The following CLYBL variants were observed in gnomAD, a reference collection of about 807,000 sequenced individuals.
CLYBL encodes citramalyl-CoA lyase, mitochondrial.
CLYBL carries 31 observed loss-of-function variants against 38.9 expected under a neutral mutation model. The ratio of observed to expected loss-of-function variants is 0.80; its 90% CI spans 0.60 to 1.08. The LOEUF (loss-of-function observed/expected upper bound fraction) is 1.08, where lower values mean the gene tolerates loss of function less well. Among genes scored for constraint, CLYBL ranks in the 50% least tolerant of loss-of-function variants. The pLI, the probability that CLYBL is intolerant of heterozygous loss-of-function variation, is 0.00. For synonymous variants in CLYBL, 171 were observed against 158.6 expected (o/e 1.08, Z -0.59); for missense variants, 434 against 411.6 (o/e 1.05, Z -0.47).
intron 7 of CLYBL, among the ~76,000 whole-genome samples, chr13:99,887,824 T>G (rs568242078): frequency 2.6e-5 from 4 of 151,632 alleles, no homozygotes; most frequent in African/African-American, 9.7e-5. Flanking sequence ...AATGGAGAAT[T>G]GTCTTATAGA....
intron 4 of CLYBL, among the ~76,000 whole-genome samples, chr13:99,864,065 C>T (rs868294053): frequency 2.6e-5 from 4 of 152,198 alleles, no homozygotes; most frequent in Non-Finnish European, 5.9e-5. Flanking sequence ...TAATCAAAAG[C>T]ATATCCCTAA....
intron 7 of CLYBL, among the ~76,000 whole-genome samples, chr13:99,880,068 A>ATATATAT (rs34063235): frequency 0.12 from 12,298 of 101,020 alleles, 1,034 homozygotes; most frequent in Admixed American, 0.15. Context: ...ATATATATAT[A>ATATATAT]TTTTTTTTTT....
chr13:99,674,358 G>T (rs2047612936), intron 1 of CLYBL, among the ~76,000 whole-genome samples: 1 of 151,742 alleles, frequency 6.6e-6, no homozygotes, highest in East Asian at 1.9e-4. Flanking sequence ...CACCATGTTG[G>T]CCAGGCTGGT....
At chr13:99,824,257 G>GCCACC (rs2050646417) in intron 2 of CLYBL, among the ~76,000 whole-genome samples, 1 of 130,414 alleles carries the variant, frequency 7.7e-6, no homozygotes, top group African/African-American at 2.9e-5. Flanking sequence ...CTGACTAATA[G>GCCACC]CCCCCCCCAC....
At chr13:99,876,537 ATTC>A (rs1297415399) in intron 7 of CLYBL, among the ~76,000 whole-genome samples, 2 of 152,032 alleles carry the variant, frequency 1.3e-5, no homozygotes, top group African/African-American at 4.8e-5. Flanking sequence ...TAATCAAAAT[ATTC>A]TTTATCCAGG....
intron 2 of CLYBL, among the ~76,000 whole-genome samples, chr13:99,784,443 T>TTC (rs1397745806): frequency 0.028 from 2,774 of 100,508 alleles, 154 homozygotes; most frequent in Middle Eastern, 0.068. Context: ...TTCTGGAAAA[T>TTC]TCTCTCTTTT....
At chr13:99,685,743 C>T (rs1208137453) in intron 1 of CLYBL, among the ~76,000 whole-genome samples, 1 of 152,082 alleles carries the variant, frequency 6.6e-6, no homozygotes, top group Admixed American at 6.6e-5. Context: ...GGGTGGATCA[C>T]TTGAGGTCAG....
chr13:99,767,831 A>G (rs943061143), intron 1 of CLYBL, among the ~76,000 whole-genome samples: 1 of 152,034 alleles, frequency 6.6e-6, no homozygotes, highest in African/African-American at 2.4e-5. Context: ...TGGTATTTCC[A>G]TTTTGTTCAT....
Position 99,839,306 on chromosome 13 carries a change from C to T in CLYBL, c.250-19555C>T, listed in dbSNP as rs148910610. On this transcript the variant is annotated intron_variant, in intron 2 of 8. Transcript: ENST00000339105. ...GACAATGATCAGAACTAGGAGGGTT[C>T]GAAGACAGAAGACCCAGGGAAACAT... Among the ~76,000 whole-genome samples, 611 of 152,204 alleles carry T rather than the reference C, an allele frequency of 4.0e-3. 5 individuals carry two copies. The highest frequency in any genetic ancestry group is 0.014 in the African/African-American group (582 of 41,522).
intron 2 of CLYBL, among the ~76,000 whole-genome samples, chr13:99,780,953 A>G (rs1284722352): frequency 2.7e-5 from 4 of 150,220 alleles, no homozygotes; most frequent in African/African-American, 4.9e-5. Context: ...ACCTCAGGCA[A>G]TCCACCCGCC....
intron 1 of CLYBL, among the ~76,000 whole-genome samples, chr13:99,649,890 T>G (rs2047225916): frequency 6.7e-6 from 1 of 149,284 alleles, no homozygotes; most frequent in South Asian, 2.1e-4. Context: ...AAAAGTTATA[T>G]GATGCTTCAT....
At chr13:99,633,690 A>G (rs2046981198) in intron 1 of CLYBL, among the ~76,000 whole-genome samples, 1 of 152,170 alleles carries the variant, frequency 6.6e-6, no homozygotes, top group Non-Finnish European at 1.5e-5. Context: ...AGGCTTGTAC[A>G]GCACTGTGAA....
chr13:99,761,277 G>A (rs535569329), intron 1 of CLYBL, among the ~76,000 whole-genome samples: 5 of 152,112 alleles, frequency 3.3e-5, no homozygotes, highest in Admixed American at 6.5e-5. Context: ...GGCGTGAACC[G>A]GGGAGGCGGA....
chr13:99,839,796 T>C (rs1249383647), intron 2 of CLYBL, among the ~76,000 whole-genome samples: 4 of 152,126 alleles, frequency 2.6e-5, no homozygotes, highest in Non-Finnish European at 1.5e-5. Flanking sequence ...GGGGTATCCA[T>C]CTCCTTCAAG....
chr13:99,836,893 G>A (rs543281227), intron 2 of CLYBL, among the ~76,000 whole-genome samples: 63 of 152,172 alleles, frequency 4.1e-4, no homozygotes, highest in African/African-American at 1.5e-3. Context: ...ACTGTTGTGG[G>A]GTGGGGGAAG....
intron 2 of CLYBL, among the ~76,000 whole-genome samples, chr13:99,825,276 C>A (rs1329887883): frequency 1.3e-5 from 2 of 152,144 alleles, no homozygotes; most frequent in African/African-American, 4.8e-5. Flanking sequence ...TCAGGACAGG[C>A]TGTTAACCCC....
At chr13:99,622,085 G>A (rs4771339) in intron 1 of CLYBL, among the ~76,000 whole-genome samples, 66,921 of 152,044 alleles carry the variant, frequency 0.44, 15,376 homozygotes, top group East Asian at 0.79. Flanking sequence ...GACCCAGTGG[G>A]CTGAATTCTT....
intron 1 of CLYBL, among the ~76,000 whole-genome samples, chr13:99,618,790 A>C (rs2763942): frequency 0.43 from 65,341 of 152,024 alleles, 14,393 homozygotes; most frequent in Middle Eastern, 0.53. Context: ...GGTACTTCAC[A>C]TACATAGACT....
intron 1 of CLYBL, among the ~76,000 whole-genome samples, chr13:99,703,439 G>A (rs1475705876): frequency 2.6e-5 from 4 of 151,972 alleles, no homozygotes; most frequent in African/African-American, 4.8e-5. Context: ...GCGCGATCTC[G>A]GCTCACTGCA....
Sources: gnomAD v4.1 joint callset for allele counts (sites outside exome capture counted in the v4.1 genomes callset) on GRCh38, gnomAD v4.1.1 for gene constraint, MANE v1.5 for transcripts, NCBI Gene and HGNC (gene_info 2026-07-23, HGNC 2026-07-21) for gene names.